Variants in CFAP299 observed in about 807,000 individuals in gnomAD.
CFAP299 encodes the protein cilia and flagella associated protein 299, also known as cilia- and flagella-associated protein 299.
In CFAP299, 21 loss-of-function variants were observed where a neutral mutation model predicts 27.0. The ratio of observed to expected loss-of-function variants is 0.78; its 90% CI spans 0.55 to 1.12. The LOEUF (loss-of-function observed/expected upper bound fraction) is 1.12. CFAP299 is among the 50% of genes most tolerant of loss of function. CFAP299 has a pLI of 0.00. For synonymous variants in CFAP299, 104 were observed against 98.1 expected (o/e 1.06, Z -0.36); for missense variants, 310 against 276.6 (o/e 1.12, Z -0.86).
chr4:80,345,447 C>A (rs1331329627), intron 1 of CFAP299, among the ~76,000 whole-genome samples: 2 of 146,782 alleles, frequency 1.4e-5, no homozygotes, highest in African/African-American at 5.1e-5. Context: ...ATGACAGACC[C>A]CGGTGTGTGA....
rs35014674 is a variant in CFAP299, at chr4:80,730,528, TA to T, written c.334-139452del. Among the ~76,000 whole-genome samples the T allele has an allele frequency of 2.8e-3, 397 of 140,970 alleles. 2 individuals carry two copies. Among genetic ancestry groups the T allele is most frequent in the Middle Eastern group, 7.2e-3 (2 of 276 alleles). 92.5% of individuals were successfully genotyped at this position (140,970 alleles called of 152,430 possible). On this transcript the variant is annotated intron_variant, in intron 3 of 5. Transcript: ENST00000358105. ...GCACAGTGGCTACCAGCTAAGCTGA[TA>T]AAAAAAAAAAAAGTTTCATTCAAAA...
At chr4:80,913,600 C>G (rs748649987) in intron 4 of CFAP299, among the ~76,000 whole-genome samples, 18 of 152,214 alleles carry the variant, frequency 1.2e-4, no homozygotes, top group South Asian at 4.1e-4. Flanking sequence ...CAAGAGGCTT[C>G]GCGATTTTGG....
chr4:80,518,786 A>C (rs1732723328), intron 2 of CFAP299, among the ~76,000 whole-genome samples: 1 of 152,162 alleles, frequency 6.6e-6, no homozygotes, highest in Non-Finnish European at 1.5e-5. Context: ...GGGGCCCTCA[A>C]GTTGCTTAGA....
chr4:80,524,477 A>G (rs1454806037), intron 2 of CFAP299, among the ~76,000 whole-genome samples: 2 of 151,898 alleles, frequency 1.3e-5, no homozygotes, highest in African/African-American at 2.4e-5. Flanking sequence ...TATAACAACT[A>G]AAAATGTCTG....
At chr4:80,586,473 ATAT>A (rs145925361) in intron 3 of CFAP299, among the ~76,000 whole-genome samples, 6,427 of 152,170 alleles carry the variant, frequency 0.042, 417 homozygotes, top group African/African-American at 0.14. Flanking sequence ...TCAATGTAAG[ATAT>A]TATAGCTATC....
At chr4:80,465,303 C>G (rs1729648106) in intron 2 of CFAP299, among the ~76,000 whole-genome samples, 1 of 152,088 alleles carries the variant, frequency 6.6e-6, no homozygotes, top group Admixed American at 6.6e-5. Flanking sequence ...ATAAAAACTT[C>G]TAAACAGAAC....
chr4:80,378,478 T>C (rs1724536406), intron 2 of CFAP299, among the ~76,000 whole-genome samples: 1 of 151,912 alleles, frequency 6.6e-6, no homozygotes, highest in South Asian at 2.1e-4. Flanking sequence ...GAAGGGGATA[T>C]TGTTTTTTTT....
intron 2 of CFAP299, among the ~76,000 whole-genome samples, chr4:80,514,495 A>G (rs1391447556): frequency 2.0e-5 from 3 of 152,120 alleles, no homozygotes; most frequent in African/African-American, 7.2e-5. Context: ...CTGGAAAATT[A>G]TGAGCATAAA....
chr4:80,524,057 AG>A (rs1733052115), intron 2 of CFAP299, among the ~76,000 whole-genome samples: 1 of 152,122 alleles, frequency 6.6e-6, no homozygotes, highest in Admixed American at 6.6e-5. Flanking sequence ...AGATCATCAA[AG>A]GAGAGTATAG....
chr4:80,812,684 C>T (rs920665369), intron 3 of CFAP299, among the ~76,000 whole-genome samples: 6 of 152,028 alleles, frequency 3.9e-5, no homozygotes, highest in Non-Finnish European at 8.8e-5. Context: ...ACATTGGTTT[C>T]AAACTGATAA....
intron 3 of CFAP299, among the ~76,000 whole-genome samples, chr4:80,595,901 C>G (rs999248792): frequency 6.6e-6 from 1 of 152,138 alleles, no homozygotes; most frequent in Non-Finnish European, 1.5e-5. Context: ...ATACTTTCTC[C>G]TTTGGGGAGA....
At chr4:80,624,154 T>G (rs912658657) in intron 3 of CFAP299, among the ~76,000 whole-genome samples, 1 of 152,104 alleles carries the variant, frequency 6.6e-6, no homozygotes, top group African/African-American at 2.4e-5. Flanking sequence ...TGCCATTGAC[T>G]GTTCCTAAAA....
At chr4:80,786,898 A>C (rs1176942702) in intron 3 of CFAP299, among the ~76,000 whole-genome samples, 1 of 152,090 alleles carries the variant, frequency 6.6e-6, no homozygotes, top group Non-Finnish European at 1.5e-5. Flanking sequence ...TTAATGCAAA[A>C]TAATTACTTT....
In CFAP299 at chr4:80,584,343, G is replaced by T. The variant is rs188606069; in HGVS notation, c.333+1160G>T. On this transcript the variant is annotated intron_variant, in intron 3 of 5. Coordinates refer to ENST00000358105, the MANE Select transcript of CFAP299 (RefSeq NM_152770.3). ...ATGTTGCAATAGGAATGGTAGAATT[G>T]CAGAGGATGCTTTAATGAAGATGTA... 5.1e-3 allele frequency among the ~76,000 whole-genome samples: 771 copies of T among 152,148 alleles called. 5 individuals are homozygous for T. The highest frequency in any genetic ancestry group is 0.02 in the Middle Eastern group (6 of 294).
intron 3 of CFAP299, among the ~76,000 whole-genome samples, chr4:80,650,341 T>A (rs1416922596): frequency 6.6e-6 from 1 of 152,176 alleles, no homozygotes; most frequent in Non-Finnish European, 1.5e-5. Context: ...AAAAACTATG[T>A]AAACTACCTT....
At chr4:80,481,536 T>C (rs1411735443) in intron 2 of CFAP299, among the ~76,000 whole-genome samples, 1 of 152,044 alleles carries the variant, frequency 6.6e-6, no homozygotes, top group Non-Finnish European at 1.5e-5. Flanking sequence ...AATGTGGAAT[T>C]TTTTTCTTGC....
chr4:80,460,159 A>G (rs551879961), intron 2 of CFAP299, among the ~76,000 whole-genome samples: 5 of 152,232 alleles, frequency 3.3e-5, no homozygotes, highest in Admixed American at 3.3e-4. Context: ...GTGCTCAGAA[A>G]GTAAGTTTCT....
intron 2 of CFAP299, among the ~76,000 whole-genome samples, chr4:80,506,067 G>T (rs905559005): frequency 6.6e-6 from 1 of 151,460 alleles, no homozygotes; most frequent in Non-Finnish European, 1.5e-5. Context: ...TAATTTGAAC[G>T]TGCTTATTTT....
At chr4:80,631,547 T>G (rs189850582) in intron 3 of CFAP299, among the ~76,000 whole-genome samples, 1 of 152,270 alleles carries the variant, frequency 6.6e-6, no homozygotes, top group East Asian at 1.9e-4. Context: ...TCATGATAGA[T>G]TATAATTTTA....
Sources: allele counts gnomAD v4.1 joint callset (sites outside exome capture counted in the v4.1 genomes callset), GRCh38; gene constraint gnomAD v4.1.1; transcripts MANE v1.5; gene names NCBI Gene and HGNC (gene_info 2026-07-23, HGNC 2026-07-21).